The following TTLL7 variants were observed in gnomAD, a reference collection of about 807,000 sequenced individuals.
TTLL7 encodes the protein tubulin polyglutamylase TTLL7.
TTLL7 carries 53 observed loss-of-function variants against 120.2 expected under a neutral mutation model. That is an observed-to-expected ratio of 0.44 (90% CI 0.35 to 0.55). TTLL7 has a LOEUF of 0.55. Among genes scored for constraint, TTLL7 ranks in the 20% least tolerant of loss-of-function variants. The probability of loss-of-function intolerance (pLI) is 0.00; values close to 1 mark genes in which losing one functional copy is unlikely to be tolerated. For missense variants in TTLL7, 803 were observed against 1,054.7 expected (o/e 0.76, Z 3.31); for synonymous variants, 353 against 351.7 (o/e 1.00, Z -0.04).
intron 1 of TTLL7, among the ~76,000 whole-genome samples, chr1:83,962,662 G>A (rs1172856336): frequency 6.6e-6 from 1 of 152,066 alleles, no homozygotes; most frequent in Non-Finnish European, 1.5e-5. Flanking sequence ...TTCCTTACAG[G>A]TATACGTGGC....
rs565477968 is a variant in TTLL7, at chr1:83,962,401, C to T, written c.-176-10014G>A. ...CTTATTGCCCTTCTTGCCAATTTTA[C>T]GGTTTGTATTAGTTTACTATTTATA... is the stretch of plus-strand genomic sequence containing the variant. On this transcript the variant is annotated intron_variant, in intron 1 of 20. Transcript: ENST00000260505. 1.7e-4 allele frequency among the ~76,000 whole-genome samples: 26 copies of T among 152,150 alleles called. 1 individual carries two copies. The highest frequency in any genetic ancestry group is 6.8e-3 in the Middle Eastern group (2 of 294).
At chr1:83,889,856 AACTTGTATG>A in intron 19 of TTLL7, 4 of 454,878 alleles carry the variant, frequency 8.8e-6, no homozygotes, top group South Asian at 6.2e-5. Context: ...TGTGATATCC[AACTTGTATG>A]ACTGAGAGAA....
At chr1:83,930,630 A>G (rs1659516702) in intron 9 of TTLL7, among the ~76,000 whole-genome samples, 2 of 152,222 alleles carry the variant, frequency 1.3e-5, no homozygotes, top group South Asian at 4.1e-4. Flanking sequence ...TCTGGAGTTT[A>G]TAATACAACT....
chr1:83,976,388 T>C (rs757305252), intron 1 of TTLL7, among the ~76,000 whole-genome samples: 1 of 152,092 alleles, frequency 6.6e-6, no homozygotes, highest in Non-Finnish European at 1.5e-5. Context: ...AAGTGTTTGC[T>C]TCAAATTTTT....
chr1:83,924,499 G>C (rs527555847), intron 10 of TTLL7, among the ~76,000 whole-genome samples: 1 of 152,274 alleles, frequency 6.6e-6, no homozygotes, highest in East Asian at 1.9e-4. Context: ...ACTCTTATGA[G>C]ATACTGAGAG....
intron 16 of TTLL7, 148 bp downstream of exon 16, chr1:83,907,308 T>TC: frequency 1.5e-6 from 1 of 647,494 alleles, no homozygotes; most frequent in Non-Finnish European, 2.7e-6. Context: ...AATTGTAGGC[T>TC]AAGGTAGGTG....
At chr1:83,997,479 T>G (rs1026555607) in intron 1 of TTLL7, among the ~76,000 whole-genome samples, 23 of 152,208 alleles carry the variant, frequency 1.5e-4, no homozygotes, top group African/African-American at 5.5e-4. Flanking sequence ...AGTTTCCCAC[T>G]ATATAAGAAC....
At chr1:83,913,352 C>A (rs1198638137) in intron 14 of TTLL7, among the ~76,000 whole-genome samples, 1 of 152,166 alleles carries the variant, frequency 6.6e-6, no homozygotes, top group African/African-American at 2.4e-5. Context: ...TAATATTTTA[C>A]TGCAATTACT....
intron 1 of TTLL7, among the ~76,000 whole-genome samples, chr1:83,975,285 T>C (rs189726849): frequency 6.6e-6 from 1 of 152,106 alleles, no homozygotes; most frequent in African/African-American, 2.4e-5. Flanking sequence ...GGGTCTGGAG[T>C]GCAGCCTTGA....
intron 6 of TTLL7, among the ~76,000 whole-genome samples, chr1:83,943,756 A>G (rs548266118): frequency 6.6e-6 from 1 of 152,344 alleles, no homozygotes. Flanking sequence ...TGCAAAGGAA[A>G]AAGAAAGTAT....
chr1:83,969,250 G>A (rs527643240), intron 1 of TTLL7, among the ~76,000 whole-genome samples: 5 of 151,728 alleles, frequency 3.3e-5, no homozygotes, highest in Non-Finnish European at 7.4e-5. Flanking sequence ...GACTAGAATA[G>A]GCTACTCATG....
At position 83,947,290 on chromosome 1, in the gene TTLL7, T is replaced by G; in HGVS notation, c.348-8A>C. On this transcript the variant is annotated splice_region_variant and splice_polypyrimidine_tract_variant and intron_variant, in intron 5 of 20. Coordinates refer to ENST00000260505, the MANE Select transcript of TTLL7 (RefSeq NM_024686.6). The stretch of plus-strand genomic sequence containing the variant: ...GGCCGAGACTTGATCATTCTGTAAA[T>G]TGGACATAATAGGAAAAATAATTTC... 6.3e-7 allele frequency: 1 copy of G among 1,582,110 alleles called. No individual in the cohort carries two copies. The highest frequency in any genetic ancestry group is 8.5e-7 in the Non-Finnish European group (1 of 1,169,794).
rs1652335743 is a variant in TTLL7, at chr1:83,985,236, G to A, written c.-177+13695C>T. ...TGTGGCCAGAGGCCCAAAAACCCCT[G>A]GCAATTCCCTGGTGCAAGTCCCAGA... On this transcript the variant is annotated intron_variant, in intron 1 of 20. Coordinates refer to ENST00000260505, the MANE Select transcript of TTLL7 (RefSeq NM_024686.6). 2.0e-5 allele frequency among the ~76,000 whole-genome samples: 3 copies of A among 152,140 alleles called. No homozygotes were observed. In the South Asian group the frequency reaches 6.2e-4, roughly 32 times the overall value.
At chr1:83,887,967 A>G (rs1477229932) in intron 19 of TTLL7, among the ~76,000 whole-genome samples, 2 of 152,076 alleles carry the variant, frequency 1.3e-5, no homozygotes. Flanking sequence ...TACTAGTACT[A>G]ATAGATACCA....
intron 18 of TTLL7, among the ~76,000 whole-genome samples, chr1:83,898,234 A>C (rs1343736888): frequency 1.3e-5 from 2 of 152,022 alleles, no homozygotes; most frequent in Non-Finnish European, 2.9e-5. Flanking sequence ...TCTATACAAA[A>C]GAATACCCCA....
intron 1 of TTLL7, among the ~76,000 whole-genome samples, chr1:83,971,864 GA>G (rs1210023432): frequency 3.9e-5 from 6 of 152,084 alleles, no homozygotes; most frequent in African/African-American, 1.4e-4. Context: ...ATATTGGGAA[GA>G]AGGGATTTAG....
intron 9 of TTLL7, among the ~76,000 whole-genome samples, chr1:83,929,495 C>T (rs1045124852): frequency 1.3e-5 from 2 of 152,064 alleles, no homozygotes; most frequent in Admixed American, 6.6e-5. Context: ...CTGGCCTCTC[C>T]CTCCATTCCA....
At chr1:83,887,656 C>T (rs895439130) in intron 19 of TTLL7, among the ~76,000 whole-genome samples, 98 of 152,192 alleles carry the variant, frequency 6.4e-4, no homozygotes, top group Non-Finnish European at 7.4e-5. Flanking sequence ...ATGCTATGGA[C>T]TTGCAGTAAA....
At chr1:83,934,540 G>A (rs1212762512) in intron 8 of TTLL7, among the ~76,000 whole-genome samples, 1 of 152,156 alleles carries the variant, frequency 6.6e-6, no homozygotes. Flanking sequence ...TTAAAAGACT[G>A]GCTCTCAATA....
Sources: gnomAD v4.1 joint callset for allele counts (sites outside exome capture counted in the v4.1 genomes callset) on GRCh38, gnomAD v4.1.1 for gene constraint, MANE v1.5 for transcripts, NCBI Gene and HGNC (gene_info 2026-07-23, HGNC 2026-07-21) for gene names.